TPRG1: variants seen among roughly 807,000 people sequenced by gnomAD.
TPRG1 encodes tumor protein p63 regulated 1.
In TPRG1, 29 loss-of-function variants were observed where a neutral mutation model predicts 29.3. The ratio of observed to expected loss-of-function variants is 0.99; its 90% CI spans 0.74 to 1.35. The LOEUF (loss-of-function observed/expected upper bound fraction) is 1.35. TPRG1 is among the 40% of genes most tolerant of loss of function. The pLI is 0.00. For synonymous variants in TPRG1, 130 were observed against 116.8 expected (o/e 1.11, Z -0.73); for missense variants, 327 against 335.0 (o/e 0.98, Z 0.19).
intron 4 of TPRG1, among the ~76,000 whole-genome samples, chr3:189,273,162 T>C (rs1715518737): frequency 6.6e-6 from 1 of 152,248 alleles, no homozygotes; most frequent in South Asian, 2.1e-4. Flanking sequence ...TATTTTATTC[T>C]GTAGCTATAC....
chr3:189,229,104 TAAAAG>T (rs1738242868), intron 3 of TPRG1, among the ~76,000 whole-genome samples: 1 of 152,132 alleles, frequency 6.6e-6, no homozygotes, highest in Non-Finnish European at 1.5e-5. Context: ...ACAATGCTGA[TAAAAG>T]AAATCACAGA....
intron 5 of TPRG1, among the ~76,000 whole-genome samples, chr3:189,315,260 G>A (rs891027093): frequency 5.3e-5 from 8 of 149,670 alleles, no homozygotes; most frequent in African/African-American, 1.7e-4. Flanking sequence ...CAAGGAAATG[G>A]GTATAAGCCT....
chr3:189,164,752 T>C (rs1408326198), intron 5 of TPRG1, among the ~76,000 whole-genome samples: 3 of 152,216 alleles, frequency 2.0e-5, no homozygotes, highest in African/African-American at 4.8e-5. Context: ...GTTGTGATAT[T>C]TGGGAACAGC....
chr3:189,206,304 A>G (rs932745598), intron 1 of TPRG1, among the ~76,000 whole-genome samples: 8 of 151,854 alleles, frequency 5.3e-5, no homozygotes, highest in African/African-American at 1.7e-4. Context: ...TTGTATTTAC[A>G]GTGCAACATA....
intron 3 of TPRG1, among the ~76,000 whole-genome samples, chr3:189,018,176 A>G (rs1461837846): frequency 6.7e-6 from 1 of 149,912 alleles, no homozygotes. Context: ...CCCATTTTGT[A>G]GGTTGCCTGT....
chr3:189,241,337 A>G (rs1740549803), intron 4 of TPRG1, among the ~76,000 whole-genome samples: 1 of 152,192 alleles, frequency 6.6e-6, no homozygotes, highest in South Asian at 2.1e-4. Context: ...CATCACTAGA[A>G]TTTGAAGAAC....
At chr3:189,105,026 AC>A (rs1719651144) in intron 1 of TPRG1, among the ~76,000 whole-genome samples, 1 of 152,138 alleles carries the variant, frequency 6.6e-6, no homozygotes, top group African/African-American at 2.4e-5. Flanking sequence ...CTAAACTCAT[AC>A]TGAGAAATGC....
At chr3:189,162,453 TA>T (rs1397936043) in intron 5 of TPRG1, among the ~76,000 whole-genome samples, 1 of 152,178 alleles carries the variant, frequency 6.6e-6, no homozygotes, top group Non-Finnish European at 1.5e-5. Context: ...GACAGGATAA[TA>T]ATTTTGTACT....
At chr3:189,090,694 T>G (rs924024442) in intron 4 of TPRG1, among the ~76,000 whole-genome samples, 12 of 152,044 alleles carry the variant, frequency 7.9e-5, no homozygotes, top group Non-Finnish European at 1.3e-4. Context: ...CGTTAATATA[T>G]CTACTATTTT....
At chr3:189,028,211 T>C (rs1713759019) in intron 4 of TPRG1, among the ~76,000 whole-genome samples, 1 of 152,198 alleles carries the variant, frequency 6.6e-6, no homozygotes, top group African/African-American at 2.4e-5. Flanking sequence ...CTAACTCCAG[T>C]CAATCATATT....
In TPRG1 at chr3:189,312,224, C is replaced by T. The variant is rs554589324; in HGVS notation, c.633+1685C>T. On this transcript the variant is annotated intron_variant, in intron 5 of 5. Transcript: ENST00000345063. ...TTCTTTCTTTCTTTCTTTCTTAAGA[C>T]GGAGTCTCGCTCTGTCACCCAGGCT... Among the ~76,000 whole-genome samples, 75 of 129,672 alleles carry T rather than the reference C, an allele frequency of 5.8e-4. 4 individuals are homozygous for T. Among genetic ancestry groups the T allele is most frequent in the Non-Finnish European group, 1.6e-4 (10 of 63,988 alleles). 85.1% of individuals were successfully genotyped at this position (129,672 alleles called of 152,430 possible). A position where few individuals can be genotyped will look rare whatever the true frequency, so the allele number is the denominator to read the frequency against.
intron 4 of TPRG1, among the ~76,000 whole-genome samples, chr3:189,294,000 C>A (rs1057073533): frequency 6.6e-6 from 1 of 152,200 alleles, no homozygotes; most frequent in African/African-American, 2.4e-5. Context: ...TCTGTCCAAC[C>A]TTTTGGCCTG....
chr3:189,057,944 T>G (rs988805852), intron 4 of TPRG1, among the ~76,000 whole-genome samples: 35 of 150,740 alleles, frequency 2.3e-4, no homozygotes, highest in African/African-American at 8.5e-4. Flanking sequence ...TAAGTATATA[T>G]TGTGTGTATA....
chr3:189,186,133 A>G (rs1316950105), intron 1 of TPRG1, among the ~76,000 whole-genome samples: 2 of 152,228 alleles, frequency 1.3e-5, no homozygotes, highest in Admixed American at 1.3e-4. Context: ...GACAAAGATA[A>G]AATCTTTGTT....
intron 4 of TPRG1, among the ~76,000 whole-genome samples, chr3:189,076,276 A>G (rs992321130): frequency 1.3e-5 from 2 of 152,218 alleles, no homozygotes; most frequent in South Asian, 4.1e-4. Context: ...ACAAATGCAT[A>G]ATGATATGGT....
intron 1 of TPRG1, among the ~76,000 whole-genome samples, chr3:189,194,828 C>T (rs1732264477): frequency 6.6e-6 from 1 of 152,070 alleles, no homozygotes; most frequent in Admixed American, 6.5e-5. Flanking sequence ...GCAACAGTAC[C>T]CCAGAACGGT....
intron 3 of TPRG1, among the ~76,000 whole-genome samples, chr3:189,236,321 G>T (rs1739448827): frequency 6.6e-6 from 1 of 152,130 alleles, no homozygotes; most frequent in East Asian, 1.9e-4. Flanking sequence ...ACCAAAAGCT[G>T]CAGTTTTTTT....
rs1393711094 is a variant in TPRG1 at position 189,321,660 on chromosome 3, T to A, written c.*840T>A. 2.6e-5 allele frequency: 4 copies of A among 152,134 alleles called. No individual in the cohort carries two copies. Among genetic ancestry groups the A allele is most frequent in the African/African-American group, 9.7e-5 (4 of 41,446 alleles). 9.4% of individuals were successfully genotyped at this position (152,134 alleles called of 1,614,324 possible). A position where few individuals can be genotyped will look rare whatever the true frequency, so the allele number is the denominator to read the frequency against. ...GGAATCCCTACTCCAAGGCTGACTG[T>A]TTCAATCTATCCTACACTTGGTTTC... On this transcript the variant is annotated 3_prime_UTR_variant, in exon 6 of 6. Transcript: ENST00000345063.
At chr3:189,267,813 C>T (rs1211243286) in intron 4 of TPRG1, 1 of 152,112 alleles carries the variant, frequency 6.6e-6, no homozygotes, top group Non-Finnish European at 1.5e-5. Context: ...GTCCTTATAG[C>T]CTATAGCACA....
Sources: gnomAD v4.1 joint callset for allele counts (sites outside exome capture counted in the v4.1 genomes callset) on GRCh38, gnomAD v4.1.1 for gene constraint, MANE v1.5 for transcripts, NCBI Gene and HGNC (gene_info 2026-07-23, HGNC 2026-07-21) for gene names.